Variants in FRS2 observed in about 807,000 individuals in gnomAD.
FRS2 encodes the protein FGFR signalling adaptor.
FRS2 carries 8 observed loss-of-function variants against 43.9 expected under a neutral mutation model. The observed-to-expected ratio is 0.18, with a 90% confidence interval of 0.11 to 0.33. The LOEUF is 0.33. FRS2 is among the 10% of genes least tolerant of loss of function. The probability of loss-of-function intolerance (pLI) is 1.00; values close to 1 mark genes in which losing one functional copy is unlikely to be tolerated. For missense variants in FRS2, 534 were observed against 627.6 expected (o/e 0.85, Z 1.59); for synonymous variants, 219 against 220.3 (o/e 0.99, Z 0.05).
intron 1 of FRS2, among the ~76,000 whole-genome samples, chr12:69,495,605 TC>T (rs1374575268): frequency 8.5e-5 from 13 of 152,168 alleles, no homozygotes; most frequent in African/African-American, 3.1e-4. Flanking sequence ...ATAATAAAAA[TC>T]TAAATTTTAG....
intron 1 of FRS2, among the ~76,000 whole-genome samples, chr12:69,474,713 T>G (rs989473169): frequency 6.6e-6 from 1 of 152,228 alleles, no homozygotes; most frequent in African/African-American, 2.4e-5. Context: ...ACTTAAAAGC[T>G]ATGTTAGCTT....
intron 1 of FRS2, among the ~76,000 whole-genome samples, chr12:69,522,782 G>A (rs751941165): frequency 7.2e-5 from 11 of 152,128 alleles, no homozygotes; most frequent in Non-Finnish European, 1.5e-4. Flanking sequence ...TGAGATTCTG[G>A]TTGTATCTTT....
chr12:69,475,563 C>T (rs1461306641), intron 1 of FRS2, among the ~76,000 whole-genome samples: 1 of 152,158 alleles, frequency 6.6e-6, no homozygotes, highest in Non-Finnish European at 1.5e-5. Flanking sequence ...GATTGTTATA[C>T]CACTGGAAGA....
chr12:69,486,142 A>G (rs1871920683), intron 1 of FRS2: 1 of 151,828 alleles, frequency 6.6e-6, no homozygotes, highest in Non-Finnish European at 1.5e-5. Flanking sequence ...TCAGTGTAAT[A>G]CAGGCATACC....
chr12:69,485,103 A>ACACACACACACGCGCG (rs1169487773), intron 1 of FRS2, among the ~76,000 whole-genome samples: 1 of 145,760 alleles, frequency 6.9e-6, no homozygotes, highest in East Asian at 2.0e-4. Flanking sequence ...ACACACACAC[A>ACACACACACACGCGCG]CACACACACA....
chr12:69,470,781 G>A (rs1345738498), intron 1 of FRS2, among the ~76,000 whole-genome samples: 7 of 152,152 alleles, frequency 4.6e-5, no homozygotes, highest in Non-Finnish European at 7.3e-5. Flanking sequence ...GGACTCGAGA[G>A]TGGGGATGGG....
intron 1 of FRS2, among the ~76,000 whole-genome samples, chr12:69,497,631 C>T (rs1364501638): frequency 6.6e-6 from 1 of 152,146 alleles, no homozygotes; most frequent in Admixed American, 6.5e-5. Flanking sequence ...ACATTCAGAC[C>T]GTAGCAGATG....
intron 3 of FRS2, among the ~76,000 whole-genome samples, chr12:69,538,197 T>TTATATATATATATATATATATATATG (rs1877503749): frequency 7.3e-5 from 6 of 81,638 alleles, no homozygotes; most frequent in South Asian, 1.0e-3. Flanking sequence ...AAAACAAATT[T>TTATATATATATATATATATATATATG]TATATATATA....
At chr12:69,566,134 A>G (rs1038303836) in intron 4 of FRS2, among the ~76,000 whole-genome samples, 4 of 152,072 alleles carry the variant, frequency 2.6e-5, no homozygotes, top group African/African-American at 9.7e-5. Context: ...TTGCCAACCA[A>G]ACATTTGTTA....
chr12:69,544,245 G>A (rs569846696), intron 3 of FRS2, among the ~76,000 whole-genome samples: 50 of 152,118 alleles, frequency 3.3e-4, no homozygotes, highest in Middle Eastern at 3.4e-3. Flanking sequence ...GATCAAGTGC[G>A]TCTTATTCCT....
chr12:69,471,228 T>G (rs1870256457), intron 1 of FRS2, among the ~76,000 whole-genome samples: 1 of 152,010 alleles, frequency 6.6e-6, no homozygotes, highest in African/African-American at 2.4e-5. Context: ...ATCAGTAGTT[T>G]AGACACCCCC....
At position 69,575,951 on chromosome 12, in the gene FRS2, T is replaced by G. The variant is rs1229073200; in HGVS notation, c.*996T>G. The G allele has an allele frequency of 2.0e-5, 3 of 152,678 alleles. No homozygotes were observed. The highest frequency in any genetic ancestry group is 7.2e-5 in the African/African-American group (3 of 41,472). The allele number at this position is 152,678 out of a possible 1,614,324, so 9.5% of individuals were successfully genotyped here. ...TTTGTCAAATTATGGTTTTGAAGGTTCATTTGGAACTTACTGTTAGTCTGT... is the reference window on the plus strand; with the variant it reads ...TTTGTCAAATTATGGTTTTGAAGGTGCATTTGGAACTTACTGTTAGTCTGT... On this transcript the variant is annotated 3_prime_UTR_variant, in exon 9 of 9. Coordinates refer to ENST00000549921, the MANE Select transcript of FRS2 (RefSeq NM_001278356.2).
intron 1 of FRS2, among the ~76,000 whole-genome samples, chr12:69,489,850 C>A (rs1461151594): frequency 6.7e-6 from 1 of 150,132 alleles, no homozygotes; most frequent in African/African-American, 2.5e-5. Flanking sequence ...GGTCATTAGC[C>A]TGAGTGTTTG....
intron 1 of FRS2, among the ~76,000 whole-genome samples, chr12:69,503,787 G>C (rs1017008337): frequency 2.4e-4 from 36 of 152,178 alleles, no homozygotes; most frequent in Non-Finnish European, 1.5e-5. Context: ...GGAAGGGTAG[G>C]TTCTCATGCC....
At chr12:69,485,257 A>G (rs1409767741) in intron 1 of FRS2, among the ~76,000 whole-genome samples, 1 of 151,918 alleles carries the variant, frequency 6.6e-6, no homozygotes, top group East Asian at 1.9e-4. Flanking sequence ...GTCTCCGCTC[A>G]CTGAAAGCTC....
In FRS2 at chr12:69,575,031, C is replaced by T; in HGVS notation, c.*76C>T. The T allele has an allele frequency of 1.1e-6, 1 of 919,556 alleles. No homozygotes were observed. The highest frequency in any genetic ancestry group is 1.7e-6 in the Non-Finnish European group (1 of 584,414). The allele number at this position is 919,556 out of a possible 1,614,324, so 57.0% of individuals were successfully genotyped here. A position where few individuals can be genotyped will look rare whatever the true frequency, so the allele number is the denominator to read the frequency against. On this transcript the variant is annotated 3_prime_UTR_variant, in exon 9 of 9. Transcript: ENST00000549921. ...AGATGCAAGTGCTTCATTTTCATTTCTAAACACTAACTCCTTTTATAGACT... is the reference window on the plus strand; with the variant it reads ...AGATGCAAGTGCTTCATTTTCATTTTTAAACACTAACTCCTTTTATAGACT...
intron 1 of FRS2, among the ~76,000 whole-genome samples, chr12:69,475,124 TTAAA>T (rs1405396628): frequency 6.6e-6 from 1 of 152,180 alleles, no homozygotes; most frequent in East Asian, 1.9e-4. Flanking sequence ...GTTTAGGTAT[TTAAA>T]TAGGGGGAAC....
intron 1 of FRS2, among the ~76,000 whole-genome samples, chr12:69,522,659 T>C (rs1017666835): frequency 6.6e-6 from 1 of 152,196 alleles, no homozygotes; most frequent in Non-Finnish European, 1.5e-5. Context: ...TTGCTCTTTC[T>C]TCTCTAGTTC....
chr12:69,474,750 G>C (rs1293842031), intron 1 of FRS2, among the ~76,000 whole-genome samples: 1 of 152,226 alleles, frequency 6.6e-6, no homozygotes, highest in Admixed American at 6.5e-5. Context: ...TGTTTGGCAA[G>C]TGGTATGTGA....
Sources: gnomAD v4.1 joint callset for allele counts (sites outside exome capture counted in the v4.1 genomes callset) on GRCh38, gnomAD v4.1.1 for gene constraint, MANE v1.5 for transcripts, NCBI Gene and HGNC (gene_info 2026-07-23, HGNC 2026-07-21) for gene names.